HMCN1: variants seen among roughly 807,000 people sequenced by gnomAD.
The protein encoded by HMCN1 is hemicentin 1.
HMCN1 carries 321 observed loss-of-function variants against 625.9 expected under a neutral mutation model. That is an observed-to-expected ratio of 0.51 (90% CI 0.47 to 0.56). The LOEUF is 0.56. HMCN1 is among the 20% of genes least tolerant of loss of function. The probability of loss-of-function intolerance (pLI) is 0.00; values close to 1 mark genes in which losing one functional copy is unlikely to be tolerated. For synonymous variants in HMCN1, 2,425 were observed against 2,417.6 expected, an observed-to-expected ratio of 1.00 and a Z score of -0.09; for missense variants, 6,588 against 6,887.3, an observed-to-expected ratio of 0.96 and a Z score of 1.54.
Position 186,018,285 on chromosome 1 carries a change from C to G in HMCN1, c.5403C>G (p.Gly1801=), listed in dbSNP as rs1282745653. The G allele has an allele frequency of 1.2e-6, 2 of 1,612,710 alleles. No homozygotes were observed. The highest frequency in any genetic ancestry group is 1.3e-5 in the African/African-American group (1 of 74,822). The change falls in exon 34 of 107, where the codon GGC becomes GGG. Residue 1801 remains glycine (G), a synonymous_variant. Transcript: ENST00000271588. ...VIAQAQVSNT[G]LYRCMAANTA... Reference sequence around the variant, plus strand: ...CTCAGGCTCAAGTGTCAAACACAGGCCTTTATCGGTGCATGGCAGCAAATA... The same window carrying G: ...CTCAGGCTCAAGTGTCAAACACAGGGCTTTATCGGTGCATGGCAGCAAATA...
intron 89 of HMCN1, among the ~76,000 whole-genome samples, chr1:186,140,455 A>G (rs1382513850): frequency 6.6e-6 from 1 of 152,194 alleles, no homozygotes; most frequent in Non-Finnish European, 1.5e-5. Flanking sequence ...ACACCACAGA[A>G]ATGATTTTGT....
chr1:186,081,523 C>T (rs1352297561), intron 56 of HMCN1, 129 bp downstream of exon 56: 1 of 670,700 alleles, frequency 1.5e-6, no homozygotes, highest in Non-Finnish European at 2.5e-6. Context: ...AACCAACCAT[C>T]AAAGGTATAT....
chr1:185,948,018 A>C (rs1456486352), intron 11 of HMCN1, among the ~76,000 whole-genome samples: 1 of 152,252 alleles, frequency 6.6e-6, no homozygotes, highest in African/African-American at 2.4e-5. Flanking sequence ...ATCAGTAGGC[A>C]CACTGTTAGG....
chr1:185,827,639 A>G (rs1220297641), intron 1 of HMCN1, among the ~76,000 whole-genome samples: 1 of 152,132 alleles, frequency 6.6e-6, no homozygotes, highest in Non-Finnish European at 1.5e-5. Context: ...AGGCAAAGGA[A>G]ATCAAGTATG....
At chr1:186,022,959 C>T in intron 35 of HMCN1, 71 bp from the exon 36 acceptor site, 1 of 1,417,468 alleles carries the variant, frequency 7.1e-7, no homozygotes, top group South Asian at 1.2e-5. Flanking sequence ...ATGAATTTTT[C>T]TGTCTCAGTG....
chr1:186,050,342 T>G (rs749751407), intron 42 of HMCN1, among the ~76,000 whole-genome samples: 5 of 151,792 alleles, frequency 3.3e-5, no homozygotes, highest in Non-Finnish European at 7.4e-5. Context: ...AAACATAAGG[T>G]TGCAATGAAA....
At chr1:186,166,665 T>G in intron 99 of HMCN1, 143 bp from the exon 100 acceptor site, 1 of 1,090,692 alleles carries the variant, frequency 9.2e-7, no homozygotes, top group East Asian at 2.5e-5. Context: ...CCACCTGATG[T>G]GACTCAACCA....
At chr1:186,095,619 G>T (rs1370405533) in intron 68 of HMCN1, 98 bp downstream of exon 68, 21 of 1,327,226 alleles carry the variant, frequency 1.6e-5, no homozygotes, top group South Asian at 3.1e-5. Flanking sequence ...TGCTGTGAGA[G>T]AATTTTTTAA....
At chr1:186,120,635 G>A (rs1661356099) in intron 80 of HMCN1, among the ~76,000 whole-genome samples, 1 of 152,140 alleles carries the variant, frequency 6.6e-6, no homozygotes, top group Non-Finnish European at 1.5e-5. Context: ...CACTGCTTTT[G>A]CAAATTAGAG....
chr1:186,187,734 G>T, intron 105 of HMCN1, 149 bp from the exon 106 acceptor site: 1 of 965,816 alleles, frequency 1.0e-6, no homozygotes, highest in East Asian at 2.5e-5. Flanking sequence ...TCCCCATTTT[G>T]TGGTTAAAGA....
chr1:186,060,233 C>T (rs1438115552), intron 46 of HMCN1, among the ~76,000 whole-genome samples: 1 of 151,966 alleles, frequency 6.6e-6, no homozygotes, highest in Non-Finnish European at 1.5e-5. Flanking sequence ...AAACAGAAAA[C>T]AGATAGAATA....
chr1:185,886,357 G>A (rs989788011), intron 4 of HMCN1, among the ~76,000 whole-genome samples: 3 of 152,132 alleles, frequency 2.0e-5, no homozygotes, highest in African/African-American at 7.2e-5. Flanking sequence ...ACATAGTTAA[G>A]TAGATAAATA....
Position 186,103,656 on chromosome 1 carries a change from T to A in HMCN1, c.10758T>A (p.Ile3586=), listed in dbSNP as rs1660486196. The change falls in exon 69 of 107, where the codon ATT becomes ATA. Residue 3586 remains isoleucine, a synonymous_variant. Transcript: ENST00000271588. ...QTLGGGEVLR[I]STAQVEDTGR... ...TAGGAGGAGGAGAGGTTCTTCGAAT[T>A]TCTACTGCTCAGGTAAGTGTCAAAG... 6.2e-7 allele frequency: 1 copy of A among 1,613,498 alleles called. No individual in the cohort carries two copies. The highest frequency in any genetic ancestry group is 1.7e-5 in the Admixed American group (1 of 59,946).
rs536967531 is a variant in HMCN1, at chr1:186,070,694, G to A, written c.8076G>A (p.Leu2692=). The change falls in exon 52 of 107, where the codon CTG becomes CTA. Residue 2692 remains leucine, a synonymous_variant. Transcript: ENST00000271588. ...TGAAGATCAAAGTAAACAACACTCT[G>A]ACCTTGGAATGTGAAGCGTATGCAA... ...KEVKIKVNNT[L]TLECEAYAIP... The A allele has an allele frequency of 8.7e-6, 14 of 1,613,756 alleles. No individual in the cohort carries two copies. Among genetic ancestry groups the A allele is most frequent in the Non-Finnish European group, 1.2e-5 (14 of 1,179,834 alleles).
In HMCN1 at chr1:186,061,963, A is replaced by C; in HGVS notation, c.7425A>C (p.Leu2475Phe). 1 of 1,567,844 alleles carries C rather than the reference A, an allele frequency of 6.4e-7. No individual in the cohort carries two copies. The change falls in exon 47 of 107, where the codon TTA becomes TTC. Residue 2475 changes from leucine to phenylalanine, a missense_variant and splice_region_variant. Around this residue, in one of 3 missense-constraint regions of HMCN1, gnomAD observed 4,628 missense variants for 4,853.1 expected, o/e 0.95. Coordinates refer to ENST00000271588, the MANE Select transcript of HMCN1 (RefSeq NM_031935.3). Reference sequence around the variant, plus strand: ...GAAAAATCTTTGGGCTTTCAGTATTAGGTACTTATATAGTTTGCAATATCT... The same window carrying C: ...GAAAAATCTTTGGGCTTTCAGTATTCGGTACTTATATAGTTTGCAATATCT... The part of the protein sequence containing the change: ...EERKIFGLSV[L>F]VPPHIVGENT...
intron 18 of HMCN1, among the ~76,000 whole-genome samples, chr1:185,982,811 CA>C (rs898683414): frequency 2.6e-5 from 4 of 151,966 alleles, no homozygotes; most frequent in African/African-American, 9.7e-5. Context: ...AATAAATATA[CA>C]AAAATATGTT....
intron 69 of HMCN1, 59 bp from the exon 70 acceptor site, chr1:186,106,825 A>G: frequency 8.3e-7 from 1 of 1,211,174 alleles, no homozygotes; most frequent in Non-Finnish European, 1.2e-6. Context: ...GTGGATATTT[A>G]TTTTAATAAC....
chr1:185,853,444 G>A (rs991773805), intron 2 of HMCN1, among the ~76,000 whole-genome samples: 1 of 152,142 alleles, frequency 6.6e-6, no homozygotes, highest in Non-Finnish European at 1.5e-5. Context: ...TACATTCATA[G>A]GTAGTGTTTT....
chr1:186,039,113 A>G (rs2102228476), intron 38 of HMCN1, 108 bp downstream of exon 38: 1 of 812,394 alleles, frequency 1.2e-6, no homozygotes, highest in East Asian at 2.5e-5. Flanking sequence ...TGTTATTGTC[A>G]TCTTTATGTA....
Sources: gnomAD v4.1 joint callset for allele counts (sites outside exome capture counted in the v4.1 genomes callset) on GRCh38, gnomAD v4.1.1 for gene constraint, gnomAD v4.1.1 regional missense constraint, MANE v1.5 for transcripts, NCBI Gene and HGNC (gene_info 2026-07-23, HGNC 2026-07-21) for gene names.